The following NOMO1 variants were observed in gnomAD, a reference collection of about 807,000 sequenced individuals.
NOMO1 encodes NODAL modulator 1.
Under a neutral mutation model 133.8 loss-of-function variants are expected in NOMO1, and 40 were observed. The ratio of observed to expected loss-of-function variants is 0.30; its 90% CI spans 0.23 to 0.39. The LOEUF is 0.39. Among genes scored for constraint, NOMO1 ranks in the 10% least tolerant of loss-of-function variants. NOMO1 has a pLI of 1.00. For synonymous variants in NOMO1, 236 were observed against 570.5 expected, an observed-to-expected ratio of 0.41 and a Z score of 8.36; for missense variants, 462 against 1,419.9, an observed-to-expected ratio of 0.33 and a Z score of 10.84.
chr16:14,858,850 G>A (rs1234557241), intron 11 of NOMO1, among the ~76,000 whole-genome samples: 2 of 152,086 alleles, frequency 1.3e-5, no homozygotes, highest in Non-Finnish European at 2.9e-5. Context: ...TGAAAGCAGA[G>A]ACGACAAGGG....
At chr16:14,839,427 C>T (rs1963571983) in intron 2 of NOMO1, among the ~76,000 whole-genome samples, 1 of 152,054 alleles carries the variant, frequency 6.6e-6, no homozygotes, top group Non-Finnish European at 1.5e-5. Flanking sequence ...GCCACGGGTA[C>T]ACATGCATAT....
chr16:14,853,385 T>C, intron 7 of NOMO1, 82 bp from the exon 8 acceptor site: 2 of 1,088,652 alleles, frequency 1.8e-6, no homozygotes, highest in Non-Finnish European at 2.6e-6. Flanking sequence ...TTAAAAAAAT[T>C]TTCCTATAAT....
chr16:14,836,223 G>GT (rs1308028902), intron 1 of NOMO1, among the ~76,000 whole-genome samples: 3 of 152,038 alleles, frequency 2.0e-5, no homozygotes, highest in Non-Finnish European at 2.9e-5. Flanking sequence ...TTAAATGCAT[G>GT]TATCTGAATC....
intron 11 of NOMO1, among the ~76,000 whole-genome samples, chr16:14,858,143 G>GCA (rs1963871901): frequency 1.4e-5 from 1 of 69,954 alleles, no homozygotes; most frequent in Non-Finnish European, 2.8e-5. Context: ...TTAATGAAAA[G>GCA]TCCCTTGCTT....
At chr16:14,882,947 G>A (rs1964266486) in intron 26 of NOMO1, among the ~76,000 whole-genome samples, 1 of 152,088 alleles carries the variant, frequency 6.6e-6, no homozygotes, top group African/African-American at 2.4e-5. Context: ...TATTCTGCAA[G>A]TTAAGGAACT....
At chr16:14,868,493 C>T in intron 15 of NOMO1, 55 bp from the exon 16 acceptor site, 6 of 1,440,798 alleles carry the variant, frequency 4.2e-6, no homozygotes, top group Non-Finnish European at 5.9e-6. Context: ...TATTATTAAT[C>T]ATCTTGGTGT....
intron 11 of NOMO1, among the ~76,000 whole-genome samples, chr16:14,862,084 C>T (rs1364901558): frequency 6.6e-6 from 1 of 151,644 alleles, no homozygotes; most frequent in Admixed American, 6.6e-5. Context: ...TTATTTGAGG[C>T]GGAGTGGTGG....
intron 3 of NOMO1, among the ~76,000 whole-genome samples, chr16:14,842,727 C>T (rs948161912): frequency 1.1e-4 from 17 of 151,672 alleles, no homozygotes; most frequent in Non-Finnish European, 2.2e-4. Flanking sequence ...TCACCTTCTA[C>T]AAATTAGAGA....
At chr16:14,860,144 C>A (rs551200646) in intron 11 of NOMO1, among the ~76,000 whole-genome samples, 1 of 151,792 alleles carries the variant, frequency 6.6e-6, no homozygotes, top group Non-Finnish European at 1.5e-5. Flanking sequence ...CTGAGGTGGG[C>A]GGATCATGAG....
chr16:14,879,764 G>T (rs1350711228), intron 23 of NOMO1, among the ~76,000 whole-genome samples: 1 of 145,214 alleles, frequency 6.9e-6, no homozygotes, highest in Non-Finnish European at 1.5e-5. Context: ...AAAAAGAAAA[G>T]AAAAATTAAA....
chr16:14,851,145 A>AT (rs1963753280), intron 6 of NOMO1, among the ~76,000 whole-genome samples: 1 of 150,492 alleles, frequency 6.6e-6, no homozygotes, highest in African/African-American at 2.5e-5. Flanking sequence ...AATAGAAGAG[A>AT]TTTTAAGGTT....
rs376682700 is a variant in NOMO1, at chr16:14,866,532, G to A, written c.1670-23G>A. The A allele has an allele frequency of 1.4e-4, 223 of 1,610,288 alleles. 9 individuals are homozygous for A. In the East Asian group the frequency reaches 3.4e-3, roughly 25 times the overall value. ...TGGTGTGCTCCACGCCCATGTATCC[G>A]TTTTTGGTGTTTGCTTTTGCAGTAA... On this transcript the variant is annotated intron_variant, in intron 14 of 30. Transcript: ENST00000287667.
In NOMO1 at chr16:14,880,511, C is replaced by T. The variant is rs1206635067; in HGVS notation, c.2885+369C>T. Among the ~76,000 whole-genome samples the T allele has an allele frequency of 3.3e-5, 5 of 151,698 alleles. No homozygotes were observed. The East Asian group carries it at 9.7e-4, about 29-fold the overall frequency. On this transcript the variant is annotated intron_variant, in intron 24 of 30. Transcript: ENST00000287667. The stretch of plus-strand genomic sequence containing the variant: ...GGTTCCAGCAATTCTCTTGTCCTGG[C>T]CTCCCAAGTAGCTGGGACTGCCACC...
At chr16:14,836,452 C>T (rs932870558) in intron 1 of NOMO1, among the ~76,000 whole-genome samples, 8 of 152,004 alleles carry the variant, frequency 5.3e-5, no homozygotes, top group Admixed American at 3.3e-4. Context: ...CATTGCAGCT[C>T]GTGTCATGGT....
rs745341419 is a variant in NOMO1 at position 14,857,307 on chromosome 16, A to T, written c.1054A>T (p.Asn352Tyr). 7.5e-6 allele frequency: 12 copies of T among 1,590,932 alleles called. 1 individual carries two copies. The highest frequency in any genetic ancestry group is 8.6e-6 in the Non-Finnish European group (10 of 1,162,406). Residue 352 changes from asparagine to tyrosine, a missense_variant, in exon 10 of 31, where the codon AAT (asparagine) becomes TAT (tyrosine). By Grantham distance (143) the Asn-to-Tyr change is moderately radical. Transcript: ENST00000287667. ...TGTTCCAGAAGCAGTAGTCACCCTG[A>T]ATAACCAAATCAAAGGTGGGCTGAC... ...DGVPEAVVTL[N>Y]NQIKVKTKAD...
intron 20 of NOMO1, among the ~76,000 whole-genome samples, chr16:14,875,974 G>A (rs1258678666): frequency 1.0e-4 from 15 of 149,380 alleles, no homozygotes; most frequent in African/African-American, 2.5e-4. Context: ...GTTGAAGAGC[G>A]TGACTTCTAG....
intron 28 of NOMO1, 68 bp downstream of exon 28, chr16:14,886,930 G>C: frequency 6.9e-7 from 1 of 1,440,534 alleles, no homozygotes; most frequent in Non-Finnish European, 9.7e-7. Context: ...GTTTAAGGAA[G>C]CACAGTTCTC....
chr16:14,882,888 T>C lies in NOMO1; in HGVS notation c.3111+211T>C, dbSNP rs532921095. 6.6e-5 allele frequency among the ~76,000 whole-genome samples: 10 copies of C among 152,172 alleles called. 1 individual carries two copies. The East Asian group carries it at 1.5e-3, about 23-fold the overall frequency. On this transcript the variant is annotated intron_variant, in intron 26 of 30. Coordinates refer to ENST00000287667, the MANE Select transcript of NOMO1 (RefSeq NM_014287.4). ...TGCTGTCATGCATCCAGAAAGGAAATTGGAACTGTTGTATCCTCCCCGCGA... is the reference window on the plus strand; with the variant it reads ...TGCTGTCATGCATCCAGAAAGGAAACTGGAACTGTTGTATCCTCCCCGCGA...
chr16:14,850,773 C>T (rs1963746454), intron 6 of NOMO1, among the ~76,000 whole-genome samples: 1 of 151,844 alleles, frequency 6.6e-6, no homozygotes, highest in Non-Finnish European at 1.5e-5. Context: ...TTCTCTTCTG[C>T]AGCAACATTT....
Sources: gnomAD v4.1 joint callset for allele counts (sites outside exome capture counted in the v4.1 genomes callset) on GRCh38, gnomAD v4.1.1 for gene constraint, MANE v1.5 for transcripts, NCBI Gene and HGNC (gene_info 2026-07-23, HGNC 2026-07-21) for gene names.